The following RIMS1 variants were observed in gnomAD, a reference collection of about 807,000 sequenced individuals.
The protein encoded by RIMS1 is regulating synaptic membrane exocytosis 1.
RIMS1 carries 83 observed loss-of-function variants against 214.1 expected under a neutral mutation model. That is an observed-to-expected ratio of 0.39 (90% CI 0.32 to 0.47). The LOEUF is 0.47. Ranked by LOEUF, RIMS1 falls within the 20% of genes least tolerant of loss-of-function variation. The pLI is 0.99. For synonymous variants in RIMS1, 793 were observed against 786.8 expected (o/e 1.01, Z -0.13); for missense variants, 2,050 against 2,161.8 (o/e 0.95, Z 1.03).
chr6:72,358,247 C>T (rs921558602), intron 29 of RIMS1, among the ~76,000 whole-genome samples: 38 of 151,812 alleles, frequency 2.5e-4, no homozygotes, highest in African/African-American at 9.0e-4. Flanking sequence ...AAGACTATGG[C>T]CAGGAGTCAA....
chr6:71,933,729 A>G (rs1370406743), intron 1 of RIMS1, among the ~76,000 whole-genome samples: 1 of 145,332 alleles, frequency 6.9e-6, no homozygotes, highest in Non-Finnish European at 1.5e-5. Flanking sequence ...AGTTGTATTA[A>G]AATACAATAT....
At chr6:72,221,961 A>T (rs951974835) in intron 6 of RIMS1, among the ~76,000 whole-genome samples, 1 of 152,060 alleles carries the variant, frequency 6.6e-6, no homozygotes, top group Non-Finnish European at 1.5e-5. Flanking sequence ...TCAGTCTTCA[A>T]TGTGCACATT....
intron 1 of RIMS1, among the ~76,000 whole-genome samples, chr6:71,947,446 G>A (rs1788195533): frequency 6.6e-6 from 1 of 152,000 alleles, no homozygotes; most frequent in Non-Finnish European, 1.5e-5. Flanking sequence ...AATAAGCCAG[G>A]TACAAAAAGA....
intron 1 of RIMS1, among the ~76,000 whole-genome samples, chr6:71,933,374 G>T (rs1430917132): frequency 1.1e-4 from 16 of 152,044 alleles, no homozygotes; most frequent in Non-Finnish European, 2.1e-4. Flanking sequence ...CTGAGTCGTT[G>T]ATCTTTGTAT....
intron 4 of RIMS1, among the ~76,000 whole-genome samples, chr6:72,112,978 G>A (rs991485657): frequency 1.3e-5 from 2 of 152,024 alleles, no homozygotes; most frequent in Non-Finnish European, 2.9e-5. Context: ...ATGTTACCAG[G>A]GCAAAGTATC....
intron 2 of RIMS1, among the ~76,000 whole-genome samples, chr6:72,016,338 T>C (rs1016193767): frequency 2.0e-5 from 3 of 152,190 alleles, no homozygotes; most frequent in African/African-American, 7.2e-5. Context: ...CTCATGTCTT[T>C]ATTATTGTCT....
chr6:72,005,685 G>A (rs940317805), intron 2 of RIMS1, among the ~76,000 whole-genome samples: 1 of 152,164 alleles, frequency 6.6e-6, no homozygotes, highest in Admixed American at 6.6e-5. Flanking sequence ...TGGTAAAGAA[G>A]GCTGTTTTTA....
chr6:72,019,302 C>A (rs1378463145), intron 2 of RIMS1, among the ~76,000 whole-genome samples: 1 of 152,062 alleles, frequency 6.6e-6, no homozygotes, highest in Non-Finnish European at 1.5e-5. Flanking sequence ...TATCTGAGAT[C>A]CCTTTATAGA....
intron 4 of RIMS1, among the ~76,000 whole-genome samples, chr6:72,119,605 C>T (rs777173372): frequency 5.3e-5 from 8 of 151,494 alleles, no homozygotes; most frequent in Non-Finnish European, 7.4e-5. Context: ...AAAAATAGAC[C>T]AGTGGAACAC....
At chr6:72,196,579 A>ATTTTTTTTTTT (rs1562552453) in intron 6 of RIMS1, among the ~76,000 whole-genome samples, 2 of 32,668 alleles carry the variant, frequency 6.1e-5, no homozygotes, top group African/African-American at 4.4e-4. Context: ...AGCCAGCTGC[A>ATTTTTTTTTTT]CTTTTTTTTT....
chr6:72,229,263 A>G (rs1384237924), intron 6 of RIMS1, among the ~76,000 whole-genome samples: 9 of 72,844 alleles, frequency 1.2e-4, no homozygotes, highest in African/African-American at 7.0e-4. Context: ...GAATAAAATT[A>G]ACAGAAAGTA....
At chr6:72,044,382 T>C (rs1822358295) in intron 2 of RIMS1, among the ~76,000 whole-genome samples, 1 of 151,930 alleles carries the variant, frequency 6.6e-6, no homozygotes, top group Non-Finnish European at 1.5e-5. Flanking sequence ...AAAAAATTGA[T>C]AAATTGTATT....
chr6:72,342,353 TG>T (rs1357557651), intron 29 of RIMS1, among the ~76,000 whole-genome samples: 1 of 151,752 alleles, frequency 6.6e-6, no homozygotes, highest in Non-Finnish European at 1.5e-5. Flanking sequence ...GGATGTACTC[TG>T]GGTGGGAGCC....
chr6:72,134,413 T>C (rs555653385), intron 4 of RIMS1, among the ~76,000 whole-genome samples: 2 of 152,206 alleles, frequency 1.3e-5, no homozygotes, highest in African/African-American at 4.8e-5. Context: ...TAGATTTATT[T>C]TGAGATGAGA....
At position 72,279,951 on chromosome 6, in the gene RIMS1, C is replaced by T. The variant is rs143030990; in HGVS notation, c.3483-4096C>T. ...ACATCCATTAGGCCCTGGATAATGA[C>T]TGACAGTTCATTATGTATTATTCAG... On this transcript the variant is annotated intron_variant, in intron 23 of 33. Transcript: ENST00000521978. 5.3e-3 allele frequency among the ~76,000 whole-genome samples: 812 copies of T among 151,978 alleles called. 6 individuals are homozygous for T. Among genetic ancestry groups the T allele is most frequent in the Middle Eastern group, 0.017 (5 of 294 alleles).
intron 4 of RIMS1, among the ~76,000 whole-genome samples, chr6:72,110,341 A>G (rs2035787953): frequency 6.6e-6 from 1 of 152,110 alleles, no homozygotes. Context: ...TGAGCATGGA[A>G]TGTTCTTCCA....
chr6:72,364,873 G>T (rs2097938357), intron 29 of RIMS1, among the ~76,000 whole-genome samples: 1 of 152,192 alleles, frequency 6.6e-6, no homozygotes, highest in Non-Finnish European at 1.5e-5. Flanking sequence ...GGGACTGCTT[G>T]CAGAGTCACT....
At chr6:72,183,409 T>A (rs2048627679) in intron 6 of RIMS1, among the ~76,000 whole-genome samples, 1 of 152,206 alleles carries the variant, frequency 6.6e-6, no homozygotes, top group African/African-American at 2.4e-5. Context: ...TCTGGTAAAT[T>A]TGGTATGCAG....
chr6:72,134,281 A>T (rs1394560312), intron 4 of RIMS1, among the ~76,000 whole-genome samples: 4 of 151,880 alleles, frequency 2.6e-5, no homozygotes, highest in Non-Finnish European at 5.9e-5. Flanking sequence ...TATTATTGTG[A>T]ATTTTTATTG....
Sources: gnomAD v4.1 joint callset for allele counts (sites outside exome capture counted in the v4.1 genomes callset) on GRCh38, gnomAD v4.1.1 for gene constraint, MANE v1.5 for transcripts, NCBI Gene and HGNC (gene_info 2026-07-23, HGNC 2026-07-21) for gene names.